The following PDHA1 variants were observed in gnomAD, a reference collection of about 807,000 sequenced individuals.
PDHA1 encodes the protein pyruvate dehydrogenase E1 subunit alpha 1.
PDHA1 carries 1 observed loss-of-function variant against 33.0 expected under a neutral mutation model. That is an observed-to-expected ratio of 0.03 (90% CI 0.01 to 0.14). The LOEUF (loss-of-function observed/expected upper bound fraction) is 0.14, where lower values mean the gene tolerates loss of function less well. Ranked by LOEUF, PDHA1 falls within the 10% of genes least tolerant of loss-of-function variation. The pLI, the probability that PDHA1 is intolerant of heterozygous loss-of-function variation, is 1.00. For synonymous variants in PDHA1, 123 were observed against 119.2 expected, an observed-to-expected ratio of 1.03 and a Z score of -0.21; for missense variants, 168 against 325.1, an observed-to-expected ratio of 0.52 and a Z score of 3.72.
intron 5 of PDHA1, 169 bp downstream of exon 5, chrX:19,353,342 G>A (rs1478955462): frequency 1.2e-5 from 6 of 495,367 alleles, no homozygotes; most frequent in Non-Finnish European, 2.2e-5. Context: ...GATTATAATG[G>A]AGCTGAAAAA....
Position 19,359,650 on chromosome X carries a change from T to C in PDHA1, c.1170T>C (p.Ser390=), listed in dbSNP as rs369973813. 3.9e-5 allele frequency: 47 copies of C among 1,205,877 alleles called. No homozygotes were observed. The African/African-American group carries it at 6.9e-4, about 18-fold the overall frequency. The part of the protein sequence containing the change: ...ANQWIKFKSV[S] ...AGTGGATCAAGTTTAAGTCAGTCAG[T>C]TAAGGGGAGGAGAAGGAGAGGTTAT... Residue 390 remains serine, a synonymous_variant, in exon 11 of 11, where the codon AGT becomes AGC. Coordinates refer to ENST00000422285, the MANE Select transcript of PDHA1 (RefSeq NM_000284.4).
rs763409232 is a variant in PDHA1 at position 19,361,350 on chromosome X, G to A, written c.*1697G>A. 2.1e-5 allele frequency: 25 copies of A among 1,203,763 alleles called. No individual in the cohort carries two copies. The highest frequency in any genetic ancestry group is 2.8e-5 in the Non-Finnish European group (25 of 889,126). On this transcript the variant is annotated 3_prime_UTR_variant, in exon 11 of 11. Coordinates refer to ENST00000422285, the MANE Select transcript of PDHA1 (RefSeq NM_000284.4). ...TTTGAGGCTCTTACCGTAGTCGAAG[G>A]TATCTTAGATCTTCCTTAGTGATCT...
intron 8 of PDHA1, 125 bp downstream of exon 8, chrX:19,355,882 G>T (rs1339079004): frequency 1.4e-5 from 8 of 556,131 alleles, no homozygotes; most frequent in Admixed American, 1.3e-4. Flanking sequence ...TGGAAGCAGA[G>T]TGAAGGGAGC....
chrX:19,357,661 C>G lies in PDHA1; in HGVS notation c.841C>G (p.Leu281Val). 2 of 1,209,228 alleles carry G rather than the reference C, an allele frequency of 1.7e-6. No homozygotes were observed. Among genetic ancestry groups the G allele is most frequent in the African/African-American group, 3.5e-5 (2 of 57,749 alleles). Residue 281 changes from leucine to valine, a missense_variant, in exon 9 of 11, where the codon CTG becomes GTG. Leu to Val is a conservative substitution (Grantham distance 32). Coordinates refer to ENST00000422285, the MANE Select transcript of PDHA1 (RefSeq NM_000284.4). ...ACCGGTTCTGTTTTAGGGGCCCATC[C>G]TGATGGAGCTGCAGACTTACCGTTA... ...AYCRSGKGPI[L>V]MELQTYRYHG...
intron 5 of PDHA1, chrX:19,353,445 C>T (rs1474540459): frequency 1.5e-5 from 6 of 394,999 alleles, no homozygotes; most frequent in Non-Finnish European, 2.7e-5. Flanking sequence ...TCAGTAGAGT[C>T]ACATGCTGTG....
chrX:19,348,616 G>T (rs1221640689), intron 1 of PDHA1, among the ~76,000 whole-genome samples: 4 of 112,467 alleles, frequency 3.6e-5, no homozygotes, highest in Admixed American at 2.8e-4. Context: ...ATTTTGGCTT[G>T]CTCAAAATGA....
Position 19,357,636 on chromosome X carries a change from AC to A in PDHA1, c.832-14del. On this transcript the variant is annotated splice_polypyrimidine_tract_variant and intron_variant, in intron 8 of 10. Coordinates refer to ENST00000422285, the MANE Select transcript of PDHA1 (RefSeq NM_000284.4). Reference sequence around the variant, plus strand: ...ATCGTTCCTAACTAACTAACTGCCTACCGGTTCTGTTTTAGGGGCCCATCCT... The same window carrying A: ...ATCGTTCCTAACTAACTAACTGCCTACGGTTCTGTTTTAGGGGCCCATCCT... 8.4e-7 allele frequency: 1 copy of A among 1,187,284 alleles called. No homozygotes were observed. The highest frequency in any genetic ancestry group is 1.1e-6 in the Non-Finnish European group (1 of 873,607).
intron 1 of PDHA1, among the ~76,000 whole-genome samples, chrX:19,344,728 G>A (rs1270270601): frequency 2.7e-5 from 3 of 112,751 alleles, no homozygotes; most frequent in Non-Finnish European, 5.6e-5. Context: ...AGGATTCAAC[G>A]AGTGACACGT....
intron 10 of PDHA1, among the ~76,000 whole-genome samples, chrX:19,359,267 C>A (rs1476216578): frequency 9.0e-6 from 1 of 111,655 alleles, no homozygotes; most frequent in African/African-American, 3.3e-5. Context: ...GTGGCAAAGC[C>A]CCCACAGTAG....
At position 19,359,471 on chromosome X, in the gene PDHA1, C is replaced by CTGTT. The variant is rs1569193999; in HGVS notation, c.1009-17_1009-14dup. ...GCTGTTCATTCTAAAACCTTTTACA[C>CTGTT]TGTTACCTAATTTTTAGGAAATTGA... On this transcript the variant is annotated splice_polypyrimidine_tract_variant and intron_variant, in intron 10 of 10. Transcript: ENST00000422285. 5 of 1,198,423 alleles carry CTGTT rather than the reference C, an allele frequency of 4.2e-6. No homozygotes were observed. The highest frequency in any genetic ancestry group is 4.4e-5 in the Admixed American group (2 of 45,951).
At chrX:19,347,187 G>A (rs747577225) in intron 1 of PDHA1, among the ~76,000 whole-genome samples, 107 of 111,636 alleles carry the variant, frequency 9.6e-4, no homozygotes, top group African/African-American at 3.3e-3. Context: ...GAGCCATCAT[G>A]CCCGGCCTAG....
In PDHA1 at chrX:19,361,410, A is replaced by C. The variant is rs1195170721; in HGVS notation, c.*1757A>C. 8.3e-7 allele frequency: 1 copy of C among 1,202,745 alleles called. No individual in the cohort carries two copies. Among genetic ancestry groups the C allele is most frequent in the East Asian group, 3.0e-5 (1 of 33,790 alleles). On this transcript the variant is annotated 3_prime_UTR_variant, in exon 11 of 11. Coordinates refer to ENST00000422285, the MANE Select transcript of PDHA1 (RefSeq NM_000284.4). ...TATCCGAAAGTGTATAACCCTCTTC[A>C]ACAATCTGAAACAAAGATCAGATCC...
chrX:19,360,719 G>A lies in PDHA1; in HGVS notation c.*1066G>A, dbSNP rs1465285550. The A allele has an allele frequency of 1.8e-6, 2 of 1,115,044 alleles. No homozygotes were observed. The highest frequency in any genetic ancestry group is 2.5e-6 in the Non-Finnish European group (2 of 811,507). 91.9% of individuals were successfully genotyped at this position (1,115,044 alleles called of 1,213,427 possible). ...TTTAACAAAACATGTAGCGTGGTGGGACACTCTGCCACAGCTTAGCTGATT... is the reference window on the plus strand; with the variant it reads ...TTTAACAAAACATGTAGCGTGGTGGAACACTCTGCCACAGCTTAGCTGATT... On this transcript the variant is annotated 3_prime_UTR_variant, in exon 11 of 11. Coordinates refer to ENST00000422285, the MANE Select transcript of PDHA1 (RefSeq NM_000284.4).
Position 19,361,321 on chromosome X carries a change from C to T in PDHA1, c.*1668C>T, listed in dbSNP as rs1569196432. ...AAAAAGTTGTATTCTCTTATACAAA[C>T]TGTTTTGAGGCTCTTACCGTAGTCG... On this transcript the variant is annotated 3_prime_UTR_variant, in exon 11 of 11. Coordinates refer to ENST00000422285, the MANE Select transcript of PDHA1 (RefSeq NM_000284.4). The T allele has an allele frequency of 8.6e-7, 1 of 1,169,461 alleles. No homozygotes were observed. The highest frequency in any genetic ancestry group is 2.3e-5 in the Admixed American group (1 of 44,326).
chrX:19,351,269 C>T lies in PDHA1; in HGVS notation c.292-12C>T, dbSNP rs1309591989. On this transcript the variant is annotated splice_polypyrimidine_tract_variant and intron_variant, in intron 3 of 10. Coordinates refer to ENST00000422285, the MANE Select transcript of PDHA1 (RefSeq NM_000284.4). ...TCATATTGCCTCATAGTTTCTCCTT[C>T]CTCTAACACAGGAAGCTTGCTGTGT... 8.3e-7 allele frequency: 1 copy of T among 1,207,060 alleles called. No homozygotes were observed. Among genetic ancestry groups the T allele is most frequent in the Non-Finnish European group, 1.1e-6 (1 of 891,416 alleles).
chrX:19,351,141 AT>A lies in PDHA1; in HGVS notation c.292-136del, dbSNP rs1334665411. The A allele has an allele frequency of 6.6e-6, 4 of 603,104 alleles. No homozygotes were observed. The East Asian group carries it at 1.4e-4, about 21-fold the overall frequency. The allele number at this position is 603,104 out of a possible 1,213,427, so 49.7% of individuals were successfully genotyped here. On this transcript the variant is annotated intron_variant, in intron 3 of 10. Coordinates refer to ENST00000422285, the MANE Select transcript of PDHA1 (RefSeq NM_000284.4). ...TTCTGGTTTGGGCCTTCCACTCTGTATTTTGGTGGAAAATAGCTACTTTCTC... is the reference window on the plus strand; with the variant it reads ...TTCTGGTTTGGGCCTTCCACTCTGTATTTGGTGGAAAATAGCTACTTTCTC...
chrX:19,350,970 C>G (rs1052752643), intron 3 of PDHA1, among the ~76,000 whole-genome samples: 1 of 111,727 alleles, frequency 9.0e-6, no homozygotes, highest in African/African-American at 3.3e-5. Context: ...TTCCTGTTTT[C>G]CATGTCTAAG....
Position 19,359,738 on chromosome X carries a change from T to G in PDHA1, c.*85T>G. On this transcript the variant is annotated 3_prime_UTR_variant, in exon 11 of 11. Transcript: ENST00000422285. ...TTAAGGAGGAAGAAAACCCAGTCAA[T>G]GAAATTCAATGAAATTCTTGGAAAC... 1 of 854,653 alleles carries G rather than the reference T, an allele frequency of 1.2e-6. No homozygotes were observed. Among genetic ancestry groups the G allele is most frequent in the Non-Finnish European group, 1.7e-6 (1 of 580,891 alleles). 70.4% of individuals were successfully genotyped at this position (854,653 alleles called of 1,213,427 possible). A position where few individuals can be genotyped will look rare whatever the true frequency, so the allele number is the denominator to read the frequency against.
intron 10 of PDHA1, 102 bp from the exon 11 acceptor site, chrX:19,359,387 T>C: frequency 1.5e-6 from 1 of 646,499 alleles, no homozygotes; most frequent in South Asian, 2.2e-5. Flanking sequence ...TTCGTACTTG[T>C]AGTTAAAGAG....
Sources: gnomAD v4.1 joint callset for allele counts (sites outside exome capture counted in the v4.1 genomes callset) on GRCh38, gnomAD v4.1.1 for gene constraint, MANE v1.5 for transcripts, NCBI Gene and HGNC (gene_info 2026-07-23, HGNC 2026-07-21) for gene names.